SCHIP1: variants seen among roughly 807,000 people sequenced by gnomAD.
The protein encoded by SCHIP1 is schwannomin-interacting protein 1.
In SCHIP1, 8 loss-of-function variants were observed where a neutral mutation model predicts 29.7. The observed-to-expected ratio is 0.27, with a 90% confidence interval of 0.16 to 0.49. The LOEUF (loss-of-function observed/expected upper bound fraction) is 0.49. Among genes scored for constraint, SCHIP1 ranks in the 20% least tolerant of loss-of-function variants. SCHIP1 has a pLI of 0.99. For synonymous variants in SCHIP1, 76 were observed against 94.9 expected, an observed-to-expected ratio of 0.80 and a Z score of 1.16; for missense variants, 193 against 294.6, an observed-to-expected ratio of 0.66 and a Z score of 2.52.
At chr3:159,557,291 C>T in the SCHIP1 span, among the ~76,000 whole-genome samples, 5 of 152,258 alleles carry the variant, frequency 3.3e-5, no homozygotes, top group East Asian at 5.8e-4. Context: ...ATTTCATGCT[C>T]ATTTTATAAT....
the SCHIP1 span, among the ~76,000 whole-genome samples, chr3:159,447,836 C>T: frequency 2.0e-5 from 3 of 151,998 alleles, no homozygotes; most frequent in African/African-American, 7.3e-5. Context: ...CCCAACTGTC[C>T]ACAATTAATT....
At chr3:159,618,579 G>A in the SCHIP1 span, among the ~76,000 whole-genome samples, 1 of 152,214 alleles carries the variant, frequency 6.6e-6, no homozygotes, top group African/African-American at 2.4e-5. Flanking sequence ...TTAAGTATGT[G>A]GCATTCGTCT....
the SCHIP1 span, among the ~76,000 whole-genome samples, chr3:159,317,622 G>A: frequency 5.9e-4 from 90 of 152,264 alleles, 1 homozygote; most frequent in South Asian, 0.011. Flanking sequence ...GACTTCAAAA[G>A]GCCATTCTAC....
the SCHIP1 span, among the ~76,000 whole-genome samples, chr3:159,628,915 TGGA>T: frequency 3.3e-5 from 5 of 151,836 alleles, no homozygotes; most frequent in African/African-American, 1.2e-4. Flanking sequence ...ATACAGTTGG[TGGA>T]GAATAGACAA....
the SCHIP1 span, chr3:159,273,430 A>G: frequency 2.9e-6 from 3 of 1,020,454 alleles, no homozygotes; most frequent in Non-Finnish European, 3.5e-6. Flanking sequence ...GCATGAAGTG[A>G]ATCGGCTGCT....
the SCHIP1 span, among the ~76,000 whole-genome samples, chr3:159,814,432 G>T: frequency 6.6e-6 from 1 of 152,176 alleles, no homozygotes; most frequent in Non-Finnish European, 1.5e-5. Flanking sequence ...TGCTCTATAA[G>T]GTTTCTAGGC....
chr3:159,764,438 C>T, the SCHIP1 span: 14 of 1,583,248 alleles, frequency 8.8e-6, no homozygotes, highest in African/African-American at 2.7e-5. This position sits in a 1 kb window ranked among gnomAD's most constrained non-coding sequence, Gnocchi z 6.1. Flanking sequence ...ACCTCCTCCC[C>T]CTAGGATTAC....
At chr3:159,681,867 G>T in the SCHIP1 span, among the ~76,000 whole-genome samples, 3 of 151,834 alleles carry the variant, frequency 2.0e-5, no homozygotes, top group Middle Eastern at 3.5e-3. Context: ...GTTAACTTGG[G>T]TTAACTCAAC....
chr3:159,638,615 GA>G, the SCHIP1 span, among the ~76,000 whole-genome samples: 603 of 119,688 alleles, frequency 5.0e-3, 4 homozygotes, highest in African/African-American at 9.7e-3. Flanking sequence ...TATTATAGAG[GA>G]AAAAAAAAAA....
At chr3:159,751,540 C>T in the SCHIP1 span, among the ~76,000 whole-genome samples, 8 of 145,070 alleles carry the variant, frequency 5.5e-5, no homozygotes, top group Admixed American at 4.9e-4. Flanking sequence ...CTCTTCTGAA[C>T]AATTATTTCT....
At chr3:159,388,781 A>G in the SCHIP1 span, among the ~76,000 whole-genome samples, 1 of 152,168 alleles carries the variant, frequency 6.6e-6, no homozygotes. Flanking sequence ...AATTTGTAAT[A>G]AAGATAATAT....
At chr3:159,380,596 G>T in the SCHIP1 span, among the ~76,000 whole-genome samples, 3 of 151,848 alleles carry the variant, frequency 2.0e-5, no homozygotes, top group African/African-American at 7.3e-5. Context: ...ATATATGATG[G>T]TCATTAATAC....
the SCHIP1 span, among the ~76,000 whole-genome samples, chr3:159,380,443 A>G: frequency 9.8e-5 from 15 of 152,336 alleles, no homozygotes; most frequent in Admixed American, 9.2e-4. Flanking sequence ...TAGACATGAC[A>G]TGGTCAGATA....
intron 2 of SCHIP1, among the ~76,000 whole-genome samples, chr3:159,868,640 T>A (rs142794389): frequency 7.2e-5 from 11 of 152,260 alleles, no homozygotes; most frequent in African/African-American, 2.4e-4. Flanking sequence ...TTTCTCCCCA[T>A]GTTCTGCATT....
chr3:159,766,935 C>G, the SCHIP1 span, among the ~76,000 whole-genome samples: 1 of 152,176 alleles, frequency 6.6e-6, no homozygotes, highest in East Asian at 1.9e-4. Flanking sequence ...GTCTTTGAAA[C>G]CAATGGTGTA....
the SCHIP1 span, among the ~76,000 whole-genome samples, chr3:159,770,538 T>C: frequency 1.1e-3 from 161 of 152,272 alleles, 5 homozygotes; most frequent in Admixed American, 0.01. Flanking sequence ...GGATTACAGG[T>C]GTGAGCCACT....
the SCHIP1 span, among the ~76,000 whole-genome samples, chr3:159,756,824 G>GA: frequency 1.3e-5 from 2 of 152,180 alleles, no homozygotes; most frequent in African/African-American, 4.8e-5. Context: ...AAGTTCCACA[G>GA]ATCTCTAGGG....
At chr3:159,813,157 C>G in the SCHIP1 span, among the ~76,000 whole-genome samples, 1 of 152,182 alleles carries the variant, frequency 6.6e-6, no homozygotes, top group African/African-American at 2.4e-5. Flanking sequence ...AGGGAGCTGA[C>G]CATATTCAAA....
At chr3:159,465,532 T>C in the SCHIP1 span, among the ~76,000 whole-genome samples, 5 of 152,116 alleles carry the variant, frequency 3.3e-5, no homozygotes, top group East Asian at 1.9e-4. Flanking sequence ...TTCTAGTAAA[T>C]AGATCTTGAC....
Sources: gnomAD v4.1 joint callset for allele counts (sites outside exome capture counted in the v4.1 genomes callset) on GRCh38, gnomAD v4.1.1 for gene constraint, Gnocchi (gnomAD v3.1) non-coding constraint, MANE v1.5 for transcripts, NCBI Gene and HGNC (gene_info 2026-07-23, HGNC 2026-07-21) for gene names.